PACRGL: variants seen among roughly 807,000 people sequenced by gnomAD.
The protein encoded by PACRGL is PACRG-like protein.
In PACRGL, 38 loss-of-function variants were observed where a neutral mutation model predicts 34.5. The ratio of observed to expected loss-of-function variants is 1.10; its 90% confidence interval spans 0.85 to 1.44. PACRGL has a LOEUF of 1.44. Among genes scored for constraint, PACRGL ranks in the 40% most tolerant of loss-of-function variants. The pLI is 0.00. For missense variants in PACRGL, 305 were observed against 281.4 expected, an observed-to-expected ratio of 1.08 and a Z score of -0.60; for synonymous variants, 128 against 100.1, an observed-to-expected ratio of 1.28 and a Z score of -1.66.
intron 1 of PACRGL, among the ~76,000 whole-genome samples, chr4:20,703,479 T>A (rs1195913261): frequency 4.0e-5 from 2 of 49,430 alleles, no homozygotes; most frequent in Admixed American, 2.2e-4. Context: ...GGTATATGAG[T>A]GTGTGTGTGT....
intron 7 of PACRGL, chr4:20,715,957 A>G (rs781580934): frequency 6.1e-6 from 4 of 657,314 alleles, no homozygotes; most frequent in Non-Finnish European, 1.0e-5. Flanking sequence ...AGCAGTGCCC[A>G]TACACTGTCT....
chr4:20,729,337 A>G lies in PACRGL; in HGVS notation c.*1996A>G, dbSNP rs573763624. The G allele has an allele frequency of 3.3e-5, 5 of 151,798 alleles. No homozygotes were observed. Among genetic ancestry groups the G allele is most frequent in the African/African-American group, 1.2e-4 (5 of 41,518 alleles). The allele number at this position is 151,798 out of a possible 1,614,324, so 9.4% of individuals were successfully genotyped here. Reference sequence around the variant, plus strand: ...AATGATTGATACTAATGATTGATACAATAGAAAACAGCCTGTAAGAAAGAT... The same window carrying G: ...AATGATTGATACTAATGATTGATACGATAGAAAACAGCCTGTAAGAAAGAT... On this transcript the variant is annotated 3_prime_UTR_variant, in exon 9 of 9. Coordinates refer to ENST00000503585, the MANE Select transcript of PACRGL (RefSeq NM_001258345.3).
chr4:20,733,451 TG>T (rs1236090500), downstream of PACRGL, among the ~76,000 whole-genome samples: 2 of 152,218 alleles, frequency 1.3e-5, no homozygotes, highest in Admixed American at 1.3e-4. Flanking sequence ...GTTGCACATT[TG>T]TTTCACGTGA....
At chr4:20,704,225 GA>G (rs1034446785) in intron 1 of PACRGL, among the ~76,000 whole-genome samples, 1 of 152,038 alleles carries the variant, frequency 6.6e-6, no homozygotes, top group African/African-American at 2.4e-5. Context: ...AATTTGAATG[GA>G]AAAAAAGTTG....
intron 8 of PACRGL, among the ~76,000 whole-genome samples, chr4:20,743,248 T>A (rs1389852616): frequency 6.6e-6 from 1 of 152,118 alleles, no homozygotes; most frequent in Non-Finnish European, 1.5e-5. Flanking sequence ...ATGACTTTCT[T>A]CACAAAATTG....
chr4:20,709,250 A>G (rs1414198661), intron 4 of PACRGL, among the ~76,000 whole-genome samples: 1 of 152,244 alleles, frequency 6.6e-6, no homozygotes, highest in East Asian at 1.9e-4. Flanking sequence ...TTTAACAGAG[A>G]TGAAACTTGG....
At chr4:20,746,455 G>A (rs1181755834) in intron 8 of PACRGL, among the ~76,000 whole-genome samples, 1 of 151,812 alleles carries the variant, frequency 6.6e-6, no homozygotes, top group Non-Finnish European at 1.5e-5. Context: ...AAACCACCAT[G>A]GCACGTGTAT....
At chr4:20,753,219 C>G (rs1346597169), downstream of PACRGL, among the ~76,000 whole-genome samples, 2 of 152,084 alleles carry the variant, frequency 1.3e-5, no homozygotes, top group Non-Finnish European at 2.9e-5. Context: ...ATACTGAGGT[C>G]ACCTAGTTAG....
chr4:20,703,260 G>T (rs1733016608), intron 1 of PACRGL, among the ~76,000 whole-genome samples: 1 of 152,122 alleles, frequency 6.6e-6, no homozygotes, highest in Non-Finnish European at 1.5e-5. Flanking sequence ...TACTTGAGAG[G>T]CAGTCATTAT....
chr4:20,704,982 G>A (rs1377992080), intron 3 of PACRGL, among the ~76,000 whole-genome samples, 168 bp downstream of exon 3: 1 of 152,204 alleles, frequency 6.6e-6, no homozygotes, highest in Admixed American at 6.5e-5. Context: ...TCAGTCACAT[G>A]TGGGAGTGAG....
At chr4:20,701,781 C>G in intron 1 of PACRGL, 1 of 449,898 alleles carries the variant, frequency 2.2e-6, no homozygotes, top group South Asian at 1.6e-5. Context: ...CCCAAATCCA[C>G]CCATGCCAAA....
Position 20,729,960 on chromosome 4 carries a change from C to CTTGT in PACRGL, c.*2623_*2626dup, listed in dbSNP as rs1430131623. 3.4e-6 allele frequency: 4 copies of CTTGT among 1,163,646 alleles called. No homozygotes were observed. Among genetic ancestry groups the CTTGT allele is most frequent in the East Asian group, 2.7e-5 (1 of 36,612 alleles). 72.1% of individuals were successfully genotyped at this position (1,163,646 alleles called of 1,614,324 possible). On this transcript the variant is annotated 3_prime_UTR_variant, in exon 9 of 9. Coordinates refer to ENST00000503585, the MANE Select transcript of PACRGL (RefSeq NM_001258345.3). The stretch of plus-strand genomic sequence containing the variant: ...GGGATTGCTTTATATTAAAACAAAG[C>CTTGT]TTGTTTGCATAATATGCTTCAGTGT...
upstream of PACRGL, among the ~76,000 whole-genome samples, chr4:20,699,646 C>A (rs1731503007): frequency 6.6e-6 from 1 of 152,036 alleles, no homozygotes; most frequent in Admixed American, 6.6e-5. Context: ...TTTAGTGTTA[C>A]CTAAGCAAAA....
rs1305762399 is a variant in PACRGL at position 20,724,824 on chromosome 4, TG to T, written c.628del (p.Asp210ThrfsTer15). 6.7e-6 allele frequency: 10 copies of T among 1,493,350 alleles called. No individual in the cohort carries two copies. In the African/African-American group the frequency reaches 1.3e-4, roughly 19 times the overall value. The allele number at this position is 1,493,350 out of a possible 1,614,324, so 92.5% of individuals were successfully genotyped here. Reference protein sequence around the residue: ...HLLTSLSKRLMDKKFKEPITS... With the variant: ...HLLTSLSKRLXDKKFKEPITS... ...CTTTAAAAGCTTTCCAAGAGATTAA[TG>T]GACAAGAAATTCAAAGAGCCAATCA... On this transcript the variant is annotated frameshift_variant, in exon 8 of 9. Coordinates refer to ENST00000503585, the MANE Select transcript of PACRGL (RefSeq NM_001258345.3). LOFTEE classifies it high-confidence loss of function.
At chr4:20,741,978 A>T (rs1285852517) in intron 8 of PACRGL, among the ~76,000 whole-genome samples, 4 of 152,222 alleles carry the variant, frequency 2.6e-5, no homozygotes, top group African/African-American at 9.6e-5. Context: ...AGAAGAATGG[A>T]TAAATTCCTG....
Position 20,710,751 on chromosome 4 carries a change from C to G in PACRGL, c.366+978C>G, listed in dbSNP as rs1038020811. ...AATCTCTGGTTCCTCATTTAATTCTCCAAATATGTTTACTCTCTTAAGAGT... is the reference window on the plus strand; with the variant it reads ...AATCTCTGGTTCCTCATTTAATTCTGCAAATATGTTTACTCTCTTAAGAGT... On this transcript the variant is annotated intron_variant, in intron 5 of 8. Transcript: ENST00000503585. Among the ~76,000 whole-genome samples the G allele has an allele frequency of 1.3e-5, 2 of 152,104 alleles. 1 individual carries two copies. The highest frequency in any genetic ancestry group is 4.1e-4 in the South Asian group (2 of 4,826).
chr4:20,754,615 C>T (rs548554051), downstream of PACRGL, among the ~76,000 whole-genome samples: 5 of 152,190 alleles, frequency 3.3e-5, no homozygotes, highest in East Asian at 1.9e-4. Flanking sequence ...TTTCCTTCAG[C>T]GATGCCTCAT....
At chr4:20,738,711 G>T (rs975176394) in intron 8 of PACRGL, among the ~76,000 whole-genome samples, 2 of 152,202 alleles carry the variant, frequency 1.3e-5, no homozygotes, top group African/African-American at 2.4e-5. Flanking sequence ...ATTTCCAACT[G>T]AGGTACCAGG....
At chr4:20,741,359 A>G (rs991459759) in intron 8 of PACRGL, among the ~76,000 whole-genome samples, 1 of 152,252 alleles carries the variant, frequency 6.6e-6, no homozygotes, top group African/African-American at 2.4e-5. Context: ...AACAGAAATT[A>G]TAACAAACTG....
Sources: allele counts gnomAD v4.1 joint callset (sites outside exome capture counted in the v4.1 genomes callset), GRCh38; gene constraint gnomAD v4.1.1; transcripts MANE v1.5; gene names NCBI Gene and HGNC (gene_info 2026-07-23, HGNC 2026-07-21).